CABIN1: variants seen among roughly 807,000 people sequenced by gnomAD.
CABIN1 encodes the protein calcineurin-binding protein cabin-1.
Under a neutral mutation model 227.7 loss-of-function variants are expected in CABIN1, and 133 were observed. That is an observed-to-expected ratio of 0.58 (90% CI 0.51 to 0.67). CABIN1 has a LOEUF of 0.67. Among genes scored for constraint, CABIN1 ranks in the 30% least tolerant of loss-of-function variants. CABIN1 has a pLI of 0.00. For missense variants in CABIN1, 2,408 were observed against 2,852.5 expected (o/e 0.84, Z 3.55); for synonymous variants, 1,086 against 1,155.1 (o/e 0.94, Z 1.21).
In CABIN1 at chr22:24,113,658, A is replaced by G. The variant is rs138410018; in HGVS notation, c.4210A>G (p.Arg1404Gly). ...NEPTSLLEGS[R>G]KSYTEKRLPI... ...GCCCACCAGCTTACTGGAAGGCTCC[A>G]GGAAATCCTACACAGAGAAGAGGCT... The change falls in exon 27 of 37, where the codon AGG becomes GGG. Residue 1404 changes from arginine (R) to glycine (G), a missense_variant. Around this residue, in one of 3 missense-constraint regions of CABIN1, gnomAD observed 649 missense variants for 910.3 expected, o/e 0.71. Transcript: ENST00000263119. The G allele has an allele frequency of 1.2e-5, 20 of 1,614,060 alleles. No individual in the cohort carries two copies. Among genetic ancestry groups the G allele is most frequent in the Non-Finnish European group, 4.2e-6 (5 of 1,180,030 alleles).
chr22:24,027,420 C>G (rs563470857), intron 1 of CABIN1, among the ~76,000 whole-genome samples: 2 of 152,316 alleles, frequency 1.3e-5, no homozygotes, highest in Non-Finnish European at 2.9e-5. Flanking sequence ...TGGAATAGGA[C>G]AGATGACAGT....
chr22:24,041,964 G>A (rs954250809), intron 5 of CABIN1, among the ~76,000 whole-genome samples: 1 of 152,092 alleles, frequency 6.6e-6, no homozygotes, highest in Admixed American at 6.6e-5. Flanking sequence ...TTTTCAAATT[G>A]TTTTAAAGAC....
chr22:24,163,545 T>G (rs1425073480), intron 29 of CABIN1, among the ~76,000 whole-genome samples: 1 of 152,164 alleles, frequency 6.6e-6, no homozygotes, highest in East Asian at 1.9e-4. Context: ...GGCAGCAGTT[T>G]CTTCAGCGTG....
At chr22:24,176,367 G>A (rs1247299123) in intron 35 of CABIN1, 92 bp downstream of exon 35, 1 of 1,390,388 alleles carries the variant, frequency 7.2e-7, no homozygotes, top group Non-Finnish European at 9.9e-7. Context: ...GGCCTTGAAG[G>A]GCAGGGCCTG....
At position 24,054,785 on chromosome 22, in the gene CABIN1, G is replaced by A. The variant is rs1213534238; in HGVS notation, c.807-88G>A. On this transcript the variant is annotated intron_variant, in intron 8 of 36. Coordinates refer to ENST00000263119, the MANE Select transcript of CABIN1 (RefSeq NM_012295.4). ...TGGCAGCTCCAGGAGCAGCTCTGCC[G>A]CCTCTGTGCAGGCAGGCCATTTTCC... 10 of 1,554,622 alleles carry A rather than the reference G, an allele frequency of 6.4e-6. No individual in the cohort carries two copies. The African/African-American group carries it at 9.5e-5, about 15-fold the overall frequency.
At chr22:24,029,479 G>A (rs73163696) in intron 1 of CABIN1, among the ~76,000 whole-genome samples, 3,467 of 152,226 alleles carry the variant, frequency 0.023, 55 homozygotes, top group Non-Finnish European at 0.036. Flanking sequence ...CTGAGCCCAG[G>A]AGGCTGAGGC....
intron 34 of CABIN1, chr22:24,175,631 G>C: frequency 4.2e-6 from 1 of 236,666 alleles, no homozygotes; most frequent in Non-Finnish European, 8.5e-6. Flanking sequence ...CCTGGCCCCT[G>C]CCTCAGGCCA....
chr22:24,021,909 C>A lies in CABIN1; in HGVS notation c.-75+10542C>A, dbSNP rs549558406. ...CATGTTGGCCAGGCTGGTCTCGAAT[C>A]CCCGACCTCAGGTGATCTACCCACC... is the stretch of plus-strand genomic sequence containing the variant. On this transcript the variant is annotated intron_variant, in intron 1 of 36. Coordinates refer to ENST00000263119, the MANE Select transcript of CABIN1 (RefSeq NM_012295.4). 5.9e-5 allele frequency among the ~76,000 whole-genome samples: 9 copies of A among 151,606 alleles called. No homozygotes were observed. The East Asian group carries it at 1.8e-3, about 30-fold the overall frequency.
At chr22:24,094,860 A>G (rs1027878565) in intron 24 of CABIN1, among the ~76,000 whole-genome samples, 1 of 151,016 alleles carries the variant, frequency 6.6e-6, no homozygotes, top group Non-Finnish European at 1.5e-5. Context: ...CAAAAATGAC[A>G]TTTCTCTGAA....
chr22:24,096,210 C>A (rs1818749701), intron 25 of CABIN1, 128 bp downstream of exon 25: 3 of 1,080,822 alleles, frequency 2.8e-6, no homozygotes, highest in Non-Finnish European at 4.2e-6. Flanking sequence ...CATGGAGTCC[C>A]TAGGACCCAT....
chr22:24,061,772 C>T (rs1405903334), intron 12 of CABIN1, among the ~76,000 whole-genome samples, 175 bp from the exon 13 acceptor site: 1 of 152,240 alleles, frequency 6.6e-6, no homozygotes, highest in Admixed American at 6.5e-5. Context: ...CCATGTGGCT[C>T]TTTTTATGTT....
At chr22:24,122,754 T>C (rs1260828363) in intron 28 of CABIN1, among the ~76,000 whole-genome samples, 1 of 152,118 alleles carries the variant, frequency 6.6e-6, no homozygotes, top group Non-Finnish European at 1.5e-5. Flanking sequence ...GAGCATTTCG[T>C]TTAAGCACCA....
chr22:24,087,006 C>T (rs2041214107), intron 22 of CABIN1, among the ~76,000 whole-genome samples: 1 of 152,152 alleles, frequency 6.6e-6, no homozygotes, highest in Admixed American at 6.5e-5. Flanking sequence ...TAGGTAAGAT[C>T]ACACCTGGCT....
chr22:24,031,088 C>T (rs1014038027), intron 1 of CABIN1, among the ~76,000 whole-genome samples: 3 of 152,198 alleles, frequency 2.0e-5, no homozygotes, highest in African/African-American at 7.2e-5. Flanking sequence ...ACCCTGCCAC[C>T]GCCACACAGA....
intron 29 of CABIN1, among the ~76,000 whole-genome samples, chr22:24,157,288 A>G (rs1602402364): frequency 2.0e-5 from 3 of 152,282 alleles, no homozygotes; most frequent in Middle Eastern, 6.8e-3. Context: ...TCCTCAGGGC[A>G]TCAGGAAGAT....
Position 24,106,841 on chromosome 22 carries a change from C to T in CABIN1, c.4118-6725C>T, listed in dbSNP as rs144063390. On this transcript the variant is annotated intron_variant, in intron 26 of 36. Coordinates refer to ENST00000263119, the MANE Select transcript of CABIN1 (RefSeq NM_012295.4). The stretch of plus-strand genomic sequence containing the variant: ...TCATTCATCCCTTTTGCCCTATTGA[C>T]GTGAAAGAATTGAAACTTGGTGTTC... Among the ~76,000 whole-genome samples the T allele has an allele frequency of 8.3e-4, 127 of 152,282 alleles. 1 individual carries two copies. Among genetic ancestry groups the T allele is most frequent in the African/African-American group, 2.9e-3 (120 of 41,568 alleles).
rs1222469981 is a variant in CABIN1 at position 24,083,357 on chromosome 22, G to C, written c.2878G>C (p.Ala960Pro). ...LYSFPSKKSK[A>P]RYLEEHSAQQ... ...CAGCTTCCCCAGCAAGAAGAGTAAGGCCAGGTACCTGGAGGAACACTCGGC... is the reference window on the plus strand; with the variant it reads ...CAGCTTCCCCAGCAAGAAGAGTAAGCCCAGGTACCTGGAGGAACACTCGGC... Residue 960 changes from alanine (A) to proline (P), a missense_variant, in exon 20 of 37, where the codon GCC becomes CCC. Ala to Pro is a conservative substitution (Grantham distance 27). Transcript: ENST00000263119. The C allele has an allele frequency of 6.2e-7, 1 of 1,613,964 alleles. No homozygotes were observed. Among genetic ancestry groups the C allele is most frequent in the South Asian group, 1.1e-5 (1 of 91,072 alleles).
intron 29 of CABIN1, chr22:24,162,074 C>T (rs559307171): frequency 7.2e-5 from 11 of 152,462 alleles, no homozygotes; most frequent in African/African-American, 2.6e-4. Context: ...AGAAGCCCAG[C>T]TCCACCTGGT....
In CABIN1 at chr22:24,168,455, G is replaced by T. The variant is rs769566548; in HGVS notation, c.5691G>T (p.Glu1897Asp). ...AGCATCTCCCTGTTAAGGTGGATGA[G>T]GAGGCTGCGCTGGAGCAGGCTGTGA... ...ETYMLIKQVD[E>D]EAALEQAVKF... The change falls in exon 33 of 37, where the codon GAG (glutamate) becomes GAT (aspartate). Residue 1897 changes from glutamate to aspartate, a missense_variant. Physicochemically the swap from Glu to Asp is conservative, Grantham distance 45 (BLOSUM62 2). Coordinates refer to ENST00000263119, the MANE Select transcript of CABIN1 (RefSeq NM_012295.4). 6.4e-6 allele frequency: 10 copies of T among 1,571,392 alleles called. No individual in the cohort carries two copies. The highest frequency in any genetic ancestry group is 6.9e-6 in the Non-Finnish European group (8 of 1,158,202).
Sources: allele counts gnomAD v4.1 joint callset (sites outside exome capture counted in the v4.1 genomes callset), GRCh38; gene constraint gnomAD v4.1.1; regional missense constraint gnomAD v4.1.1; transcripts MANE v1.5; gene names NCBI Gene and HGNC (gene_info 2026-07-23, HGNC 2026-07-21).